WDR26: variants seen among roughly 807,000 people sequenced by gnomAD.
WDR26 encodes the protein WD repeat domain 26.
In WDR26, 5 loss-of-function variants were observed where a neutral mutation model predicts 84.1. That is an observed-to-expected ratio of 0.06 (90% CI 0.03 to 0.13). The LOEUF (loss-of-function observed/expected upper bound fraction) is 0.13. WDR26 is among the 10% of genes least tolerant of loss of function. The pLI is 1.00. For synonymous variants in WDR26, 415 were observed against 389.6 expected, an observed-to-expected ratio of 1.07 and a Z score of -0.77; for missense variants, 642 against 974.9, an observed-to-expected ratio of 0.66 and a Z score of 4.55.
At chr1:224,419,401 T>C (rs1024939865) in intron 5 of WDR26, 117 bp downstream of exon 5, 2 of 807,474 alleles carry the variant, frequency 2.5e-6, no homozygotes, top group African/African-American at 1.7e-5. Flanking sequence ...ATTCTCCCTC[T>C]TCTAAGCACT....
chr1:224,431,384 G>T, intron 3 of WDR26, 93 bp downstream of exon 3: 1 of 1,085,696 alleles, frequency 9.2e-7, no homozygotes, highest in Non-Finnish European at 1.4e-6. Flanking sequence ...CTACTTTTAG[G>T]CCTTATTTTT....
At chr1:224,425,932 A>T (rs1473332859) in intron 3 of WDR26, among the ~76,000 whole-genome samples, 1 of 151,904 alleles carries the variant, frequency 6.6e-6, no homozygotes, top group Non-Finnish European at 1.5e-5. Flanking sequence ...ATCTTGGCTT[A>T]CTACAACCTC....
intron 3 of WDR26, among the ~76,000 whole-genome samples, chr1:224,426,004 C>G (rs930454488): frequency 6.6e-6 from 1 of 151,934 alleles, no homozygotes; most frequent in Non-Finnish European, 1.5e-5. Flanking sequence ...ATTACAGGCA[C>G]CCGCCACCAC....
intron 12 of WDR26, among the ~76,000 whole-genome samples, chr1:224,395,935 T>C (rs1212424579): frequency 1.3e-5 from 2 of 152,208 alleles, no homozygotes; most frequent in Non-Finnish European, 2.9e-5. Context: ...TGAGTAGTGG[T>C]ATAACTTTTT....
At chr1:224,403,242 G>A (rs1673464138) in intron 8 of WDR26, among the ~76,000 whole-genome samples, 1 of 151,988 alleles carries the variant, frequency 6.6e-6, no homozygotes, top group Non-Finnish European at 1.5e-5. Context: ...AGTAGAGACG[G>A]GGTTTCACCA....
chr1:224,413,729 T>C (rs1572189912), intron 6 of WDR26, among the ~76,000 whole-genome samples: 1 of 152,340 alleles, frequency 6.6e-6, no homozygotes, highest in East Asian at 1.9e-4. Context: ...AAAATCATAT[T>C]TTTCAAGGCA....
At chr1:224,402,224 T>C (rs754806528) in intron 8 of WDR26, 8 of 152,194 alleles carry the variant, frequency 5.3e-5, no homozygotes, top group Non-Finnish European at 8.8e-5. Flanking sequence ...AGGTTTCCCT[T>C]ACACTGGAAA....
intron 12 of WDR26, 31 bp from the exon 13 acceptor site, chr1:224,394,044 T>C (rs1673193755): frequency 7.1e-7 from 1 of 1,399,936 alleles, no homozygotes; most frequent in Admixed American, 2.3e-5. Flanking sequence ...AAAAAAGTTT[T>C]ACATTAATAA....
intron 6 of WDR26, among the ~76,000 whole-genome samples, chr1:224,415,324 A>G (rs1673862636): frequency 6.6e-6 from 1 of 152,062 alleles, no homozygotes; most frequent in Non-Finnish European, 1.5e-5. Flanking sequence ...GAGAACCCAA[A>G]TTGTGGCATT....
rs1572158063 is a variant in WDR26, at chr1:224,395,186, A to C, written c.2075-1173T>G. Among the ~76,000 whole-genome samples, 3 of 152,314 alleles carry C rather than the reference A, an allele frequency of 2.0e-5. No homozygotes were observed. In the East Asian group the frequency reaches 5.8e-4, roughly 29 times the overall value. The stretch of plus-strand genomic sequence containing the variant: ...CAACCCTTCACCTGTAAATGGGGAT[A>C]CTAACCTCATATCATGTTGTTATAA... On this transcript the variant is annotated intron_variant, in intron 12 of 13. Coordinates refer to ENST00000414423, the MANE Select transcript of WDR26 (RefSeq NM_001379403.1).
intron 6 of WDR26, 75 bp from the exon 7 acceptor site, chr1:224,411,640 G>T: frequency 7.0e-7 from 1 of 1,419,534 alleles, no homozygotes; most frequent in South Asian, 1.6e-5. Context: ...TTAAATAACT[G>T]ACAAAACTTC....
intron 5 of WDR26, 28 bp downstream of exon 5, chr1:224,419,490 C>A: frequency 6.5e-7 from 1 of 1,536,652 alleles, no homozygotes; most frequent in South Asian, 1.1e-5. Flanking sequence ...AGAGAAAACA[C>A]AGCAACATAA....
At chr1:224,402,240 T>C (rs556748641) in intron 8 of WDR26, 1 of 152,262 alleles carries the variant, frequency 6.6e-6, no homozygotes, top group African/African-American at 2.4e-5. Context: ...GGAAAAAAAG[T>C]GTTCAGCAAT....
intron 13 of WDR26, among the ~76,000 whole-genome samples, 189 bp downstream of exon 13, chr1:224,393,639 C>T (rs945390295): frequency 6.6e-6 from 1 of 152,168 alleles, no homozygotes; most frequent in East Asian, 1.9e-4. Context: ...CCCCCCAAAA[C>T]AACCACTACA....
At chr1:224,409,055 G>A (rs1055823622) in intron 7 of WDR26, among the ~76,000 whole-genome samples, 24 of 152,210 alleles carry the variant, frequency 1.6e-4, no homozygotes, top group African/African-American at 4.1e-4. Flanking sequence ...ATTACACAGG[G>A]TAGTATATTA....
At chr1:224,430,322 T>A (rs941992521) in intron 3 of WDR26, 5 of 152,148 alleles carry the variant, frequency 3.3e-5, no homozygotes, top group Admixed American at 2.0e-4. Flanking sequence ...TAGTTTAAAA[T>A]TTTTAATATT....
Position 224,404,541 on chromosome 1 carries a change from T to C in WDR26, c.1488A>G (p.Thr496=), listed in dbSNP as rs1673500565. 6.2e-7 allele frequency: 1 copy of C among 1,613,538 alleles called. No homozygotes were observed. Among genetic ancestry groups the C allele is most frequent in the African/African-American group, 1.3e-5 (1 of 74,916 alleles). Residue 496 remains threonine, a synonymous_variant, in exon 8 of 14, where the codon ACA becomes ACG. Coordinates refer to ENST00000414423, the MANE Select transcript of WDR26 (RefSeq NM_001379403.1). ...AAACGCCATAAGCATGTCCTTCTAA[T>C]GTTTTAAGCAGTTTTAGCAGGTGTG...
intron 4 of WDR26, among the ~76,000 whole-genome samples, chr1:224,421,905 TC>T (rs1674075313): frequency 6.6e-6 from 1 of 152,194 alleles, no homozygotes; most frequent in Non-Finnish European, 1.5e-5. Flanking sequence ...CTACTTAACT[TC>T]TTTGAGGCTC....
intron 7 of WDR26, 102 bp downstream of exon 7, chr1:224,411,320 TAGAAA>T (rs1572186038): frequency 2.4e-6 from 3 of 1,228,566 alleles, no homozygotes; most frequent in East Asian, 5.5e-5. Context: ...AAAATGCTCT[TAGAAA>T]AGAATACTAT....
Sources: allele counts gnomAD v4.1 joint callset (sites outside exome capture counted in the v4.1 genomes callset), GRCh38; gene constraint gnomAD v4.1.1; transcripts MANE v1.5; gene names NCBI Gene and HGNC (gene_info 2026-07-23, HGNC 2026-07-21).